The following GAB1 variants were observed in gnomAD, a reference collection of about 807,000 sequenced individuals.
GAB1 encodes GRB2 associated binding protein 1.
In GAB1, 19 loss-of-function variants were observed where a neutral mutation model predicts 66.5. The observed-to-expected ratio is 0.29, with a 90% confidence interval of 0.20 to 0.42. The LOEUF is 0.42. GAB1 is among the 10% of genes least tolerant of loss of function. The probability of loss-of-function intolerance (pLI) is 1.00; values close to 1 mark genes in which losing one functional copy is unlikely to be tolerated. For missense variants in GAB1, 732 were observed against 858.5 expected (o/e 0.85, Z 1.84); for synonymous variants, 294 against 301.4 (o/e 0.98, Z 0.25).
chr4:143,374,193 T>G (rs138110830), intron 1 of GAB1, among the ~76,000 whole-genome samples: 50 of 152,144 alleles, frequency 3.3e-4, no homozygotes, highest in African/African-American at 1.2e-3. Context: ...CCATACATTT[T>G]GGTGGCAGCA....
intron 1 of GAB1, chr4:143,350,262 T>C: frequency 1.7e-6 from 1 of 595,134 alleles, no homozygotes; most frequent in Non-Finnish European, 3.0e-6. Flanking sequence ...AGAAATACTT[T>C]TAAGATAAAG....
intron 3 of GAB1, among the ~76,000 whole-genome samples, chr4:143,437,776 C>A (rs1734009476): frequency 6.6e-6 from 1 of 151,936 alleles, no homozygotes; most frequent in African/African-American, 2.4e-5. Context: ...AGATATAGGA[C>A]AGAATTAGAG....
Position 143,424,940 on chromosome 4 carries a change from C to T in GAB1, c.368-8551C>T, listed in dbSNP as rs548711758. On this transcript the variant is annotated intron_variant, in intron 2 of 9. Coordinates refer to ENST00000262994, the MANE Select transcript of GAB1 (RefSeq NM_002039.4). ...ACTGCACTCCAGCCTGGTGGCAGAG[C>T]GAGACTCCGACTTTAAAAAAAGAAA... 158 of 562,444 alleles carry T rather than the reference C, an allele frequency of 2.8e-4. 5 individuals are homozygous for T. The South Asian group carries it at 3.0e-3, about 11-fold the overall frequency. 34.8% of individuals were successfully genotyped at this position (562,444 alleles called of 1,614,324 possible).
intron 1 of GAB1, among the ~76,000 whole-genome samples, chr4:143,410,264 CCA>C (rs1393313732): frequency 6.6e-6 from 1 of 152,096 alleles, no homozygotes; most frequent in African/African-American, 2.4e-5. Flanking sequence ...GTCATTTATA[CCA>C]CAGAGAACTC....
intron 4 of GAB1, 93 bp from the exon 5 acceptor site, chr4:143,439,709 A>G: frequency 1.3e-6 from 1 of 798,296 alleles, no homozygotes. Context: ...GTGTATGCAT[A>G]TGTATAATGA....
intron 1 of GAB1, among the ~76,000 whole-genome samples, chr4:143,377,833 A>C (rs1401551597): frequency 6.6e-6 from 1 of 152,250 alleles, no homozygotes; most frequent in East Asian, 1.9e-4. Flanking sequence ...GTATATGTTT[A>C]AATGAAATGA....
chr4:143,350,002 C>G lies in GAB1; in HGVS notation c.72+12742C>G. 3 of 1,575,846 alleles carry G rather than the reference C, an allele frequency of 1.9e-6. No homozygotes were observed. The South Asian group carries it at 3.4e-5, about 18-fold the overall frequency. On this transcript the variant is annotated intron_variant, in intron 1 of 9. Transcript: ENST00000262994. The stretch of plus-strand genomic sequence containing the variant: ...CCACTCCTTATCCTCGGCCTTGCCT[C>G]CGCGACCCCGGCCCCGGATGCCACT...
rs927913924 is a variant in GAB1 at position 143,373,015 on chromosome 4, A to T, written c.72+35755A>T. Among the ~76,000 whole-genome samples, 54 of 151,068 alleles carry T rather than the reference A, an allele frequency of 3.6e-4. 1 individual carries two copies. The highest frequency in any genetic ancestry group is 3.5e-3 in the Admixed American group (53 of 15,104). ...TTGATCTGGTTATTTAATTTTAGTA[A>T]CGCATCTGAGGATTGAATTTCCTTT... On this transcript the variant is annotated intron_variant, in intron 1 of 9. Transcript: ENST00000262994.
intron 1 of GAB1, among the ~76,000 whole-genome samples, chr4:143,376,115 C>T (rs1285527884): frequency 6.6e-6 from 1 of 151,674 alleles, no homozygotes; most frequent in East Asian, 1.9e-4. Flanking sequence ...CCCTCCCCAA[C>T]CCCCTACACC....
intron 3 of GAB1, among the ~76,000 whole-genome samples, chr4:143,435,229 T>G (rs1221951695): frequency 6.6e-6 from 1 of 152,180 alleles, no homozygotes; most frequent in African/African-American, 2.4e-5. Flanking sequence ...TAGCTCATAT[T>G]CATTCCAAAG....
At chr4:143,409,309 C>T (rs1049784622) in intron 1 of GAB1, among the ~76,000 whole-genome samples, 7 of 151,854 alleles carry the variant, frequency 4.6e-5, no homozygotes, top group Non-Finnish European at 8.8e-5. Context: ...AGAGATGAGA[C>T]AGGTAAGTAT....
At chr4:143,377,973 A>G (rs946468538) in intron 1 of GAB1, among the ~76,000 whole-genome samples, 4 of 152,202 alleles carry the variant, frequency 2.6e-5, no homozygotes, top group African/African-American at 9.7e-5. Context: ...CATAGAAATG[A>G]TAGTATAGTA....
rs1185017210 is a variant in GAB1 at position 143,448,179 on chromosome 4, G to A, written c.1585+7797G>A. ...TGGATAAGCTTTTTGATGTGCTGCT[G>A]AATTCTGTTTGCCAGTATTTTATTG... On this transcript the variant is annotated intron_variant, in intron 6 of 9. Coordinates refer to ENST00000262994, the MANE Select transcript of GAB1 (RefSeq NM_002039.4). 4.9e-4 allele frequency among the ~76,000 whole-genome samples: 74 copies of A among 151,842 alleles called. 1 individual carries two copies. Among genetic ancestry groups the A allele is most frequent in the Non-Finnish European group, 1.0e-4 (7 of 68,042 alleles).
intron 4 of GAB1, 60 bp from the exon 5 acceptor site, chr4:143,439,742 A>G (rs767648262): frequency 1.7e-5 from 19 of 1,146,872 alleles, no homozygotes; most frequent in Non-Finnish European, 2.5e-5. Context: ...AGGTCATCCC[A>G]ATGACCCTGA....
chr4:143,375,800 G>A (rs936545094), intron 1 of GAB1, among the ~76,000 whole-genome samples: 11 of 152,120 alleles, frequency 7.2e-5, no homozygotes, highest in Non-Finnish European at 1.5e-4. Flanking sequence ...GGCCTGCCCT[G>A]TGCATTATAG....
At chr4:143,365,100 A>T (rs1010914206) in intron 1 of GAB1, among the ~76,000 whole-genome samples, 1 of 151,348 alleles carries the variant, frequency 6.6e-6, no homozygotes, top group Non-Finnish European at 1.5e-5. Flanking sequence ...GATGGTCTCG[A>T]TCTCCTGACC....
At chr4:143,383,935 C>G (rs1003571871) in intron 1 of GAB1, among the ~76,000 whole-genome samples, 1 of 151,912 alleles carries the variant, frequency 6.6e-6, no homozygotes, top group Non-Finnish European at 1.5e-5. Context: ...ACTACCCGGG[C>G]GTGGTAACAC....
At chr4:143,468,329 C>T (rs1342496386) in intron 9 of GAB1, among the ~76,000 whole-genome samples, 1 of 150,328 alleles carries the variant, frequency 6.7e-6, no homozygotes, top group Non-Finnish European at 1.5e-5. Context: ...ATTCTCCTGC[C>T]TCAGCCTCCC....
chr4:143,401,636 G>A (rs1731778745), intron 1 of GAB1, among the ~76,000 whole-genome samples: 1 of 152,078 alleles, frequency 6.6e-6, no homozygotes, highest in South Asian at 2.1e-4. Flanking sequence ...TGGTAAGCAA[G>A]ACTTGGAAAA....
Sources: allele counts gnomAD v4.1 joint callset (sites outside exome capture counted in the v4.1 genomes callset), GRCh38; gene constraint gnomAD v4.1.1; transcripts MANE v1.5; gene names NCBI Gene and HGNC (gene_info 2026-07-23, HGNC 2026-07-21).